Variants in NPHP4 observed in about 807,000 individuals in gnomAD.
The protein encoded by NPHP4 is nephrocystin-4.
In NPHP4, 151 loss-of-function variants were observed where a neutral mutation model predicts 155.8. The observed-to-expected ratio is 0.97, with a 90% CI of 0.85 to 1.11. NPHP4 has a LOEUF of 1.11. Ranked by LOEUF, NPHP4 falls within the 50% of genes least tolerant of loss-of-function variation. NPHP4 has a pLI of 0.00. For missense variants in NPHP4, 1,956 were observed against 1,925.7 expected, an observed-to-expected ratio of 1.02 and a Z score of -0.29; for synonymous variants, 845 against 816.8, an observed-to-expected ratio of 1.03 and a Z score of -0.59.
rs377520843 is a variant in NPHP4, at chr1:5,898,339, C to A, written c.2143+6278G>T. ...GAGACCACGCCCTCGGCAGAGCCCC[C>A]CAAAAAGTGTAGGAAGAAGAGGTGA... On this transcript the variant is annotated intron_variant, in intron 16 of 29. Coordinates refer to ENST00000378156, the MANE Select transcript of NPHP4 (RefSeq NM_015102.5). 1.7e-4 allele frequency among the ~76,000 whole-genome samples: 26 copies of A among 152,294 alleles called. No individual in the cohort carries two copies. The South Asian group carries it at 5.4e-3, about 32-fold the overall frequency.
intron 11 of NPHP4, among the ~76,000 whole-genome samples, chr1:5,923,630 C>T (rs1037323563): frequency 1.3e-5 from 2 of 152,216 alleles, no homozygotes. Context: ...CCTGGTAATC[C>T]TCATTCTTCA....
At chr1:5,925,158 T>C (rs1345814673) in intron 11 of NPHP4, among the ~76,000 whole-genome samples, 2 of 152,222 alleles carry the variant, frequency 1.3e-5, no homozygotes, top group Admixed American at 1.3e-4. Flanking sequence ...TCTGCATCCA[T>C]GAATTCAACC....
rs768131791 is a variant in NPHP4 at position 5,911,609 on chromosome 1, CA to C, written c.1442-2397del. On this transcript the variant is annotated intron_variant, in intron 11 of 29. Coordinates refer to ENST00000378156, the MANE Select transcript of NPHP4 (RefSeq NM_015102.5). ...GTAACTCTTTATATCATGACTTATG[CA>C]ATTTTTTCTTCCAAGAGAGTAAACC... is the stretch of plus-strand genomic sequence containing the variant. Among the ~76,000 whole-genome samples the C allele has an allele frequency of 4.2e-4, 64 of 152,238 alleles. No individual in the cohort carries two copies. In the South Asian group the frequency reaches 5.4e-3, roughly 13 times the overall value.
chr1:5,927,512 G>T, intron 11 of NPHP4, 137 bp downstream of exon 11: 1 of 953,290 alleles, frequency 1.0e-6, no homozygotes, highest in Non-Finnish European at 1.5e-6. Context: ...CCAACTAACA[G>T]ATTCCATTAA....
intron 13 of NPHP4, among the ~76,000 whole-genome samples, chr1:5,906,233 C>G (rs1272737542): frequency 2.0e-5 from 3 of 152,252 alleles, no homozygotes; most frequent in African/African-American, 7.2e-5. Flanking sequence ...GGCACCGAGC[C>G]CCTGGCTGGC....
At position 5,905,675 on chromosome 1, in the gene NPHP4, T is replaced by C. The variant is rs1414831881; in HGVS notation, c.1720A>G (p.Thr574Ala). 6.2e-7 allele frequency: 1 copy of C among 1,613,952 alleles called. No homozygotes were observed. Among genetic ancestry groups the C allele is most frequent in the Admixed American group, 1.7e-5 (1 of 60,020 alleles). ...IAEQLQELPF[T>A]PLHAPIVVGT... ...ACAACAATAGGGGCATGCAAAGGCG[T>C]GAACGGCAGCTCCTGTAACTGTTCG... Residue 574 changes from threonine (T) to alanine (A), a missense_variant, in exon 14 of 30, where the codon ACG becomes GCG. By Grantham distance (58) the Thr-to-Ala change is moderately conservative (BLOSUM62 0). Coordinates refer to ENST00000378156, the MANE Select transcript of NPHP4 (RefSeq NM_015102.5). This position sits in a 1 kb window ranked among gnomAD's most constrained non-coding sequence, Gnocchi z 4.0.
chr1:5,898,599 A>C (rs570976204), intron 16 of NPHP4, among the ~76,000 whole-genome samples: 1 of 152,362 alleles, frequency 6.6e-6, no homozygotes, highest in African/African-American at 2.4e-5. Flanking sequence ...GACATGGCAA[A>C]GGCCTGGGAA....
chr1:5,961,094 A>G (rs1240020350), intron 6 of NPHP4, among the ~76,000 whole-genome samples: 1 of 152,146 alleles, frequency 6.6e-6, no homozygotes, highest in Non-Finnish European at 1.5e-5. Flanking sequence ...AAGACATTTC[A>G]CTCTTAGGAT....
intron 25 of NPHP4, among the ~76,000 whole-genome samples, chr1:5,866,822 A>G (rs1487658469): frequency 6.6e-6 from 1 of 152,212 alleles, no homozygotes; most frequent in East Asian, 1.9e-4. Context: ...TCAGATGATC[A>G]AGGAGCTGAT....
At chr1:5,971,174 G>A (rs765498926) in intron 3 of NPHP4, among the ~76,000 whole-genome samples, 5 of 152,170 alleles carry the variant, frequency 3.3e-5, no homozygotes, top group African/African-American at 9.7e-5. Flanking sequence ...GGAACCTGCC[G>A]CTACGGGCAT....
chr1:5,987,962 A>G (rs1655727139), intron 1 of NPHP4, among the ~76,000 whole-genome samples: 1 of 152,212 alleles, frequency 6.6e-6, no homozygotes, highest in South Asian at 2.1e-4. Flanking sequence ...CTAGCTTCAC[A>G]CTTCTTCAAG....
intron 3 of NPHP4, among the ~76,000 whole-genome samples, chr1:5,971,918 T>C (rs901488916): frequency 2.6e-5 from 4 of 152,274 alleles, no homozygotes; most frequent in African/African-American, 9.6e-5. Flanking sequence ...AGTTTCCTCC[T>C]TGACAGCATA....
At chr1:5,900,553 G>A (rs1570337409) in intron 16 of NPHP4, among the ~76,000 whole-genome samples, 1 of 152,108 alleles carries the variant, frequency 6.6e-6, no homozygotes, top group Non-Finnish European at 1.5e-5. Context: ...GAGGAGGGGA[G>A]GGCTAAATAG....
chr1:5,974,281 G>A (rs561829275), intron 3 of NPHP4, among the ~76,000 whole-genome samples: 4 of 152,322 alleles, frequency 2.6e-5, no homozygotes, highest in Admixed American at 2.6e-4. Flanking sequence ...TGGGGCTGGT[G>A]CGCTCTGGGA....
rs763993912 is a variant in NPHP4 at position 5,969,118 on chromosome 1, C to T, written c.421G>A (p.Asp141Asn). 9.0e-6 allele frequency: 14 copies of T among 1,551,104 alleles called. No homozygotes were observed. The East Asian group carries it at 3.4e-4, about 38-fold the overall frequency. Residue 141 changes from aspartate to asparagine, a missense_variant, in exon 4 of 30, where the codon GAC becomes AAC. Transcript: ENST00000378156. ...TCCTGGGAAGCAGAGATAGGAGAGT[C>T]CGGCTGGTTGCTGAAGATCCGAAGA... ...GILRIFSNQP[D>N]SPISASQDKR... is the part of the protein sequence containing the mutation.
chr1:5,888,788 C>T (rs115319847), intron 17 of NPHP4, among the ~76,000 whole-genome samples: 133 of 152,344 alleles, frequency 8.7e-4, no homozygotes, highest in African/African-American at 3.0e-3. Context: ...TGCCCTCTGT[C>T]TTCAGGAAGT....
chr1:5,873,961 A>G, intron 22 of NPHP4: 1 of 212,264 alleles, frequency 4.7e-6, no homozygotes, highest in South Asian at 6.8e-5. Context: ...TCCTGCACAC[A>G]CACCTCACAT....
In NPHP4 at chr1:5,890,874, C is replaced by G. The variant is rs1193734284; in HGVS notation, c.2298G>C (p.Gln766His). Residue 766 changes from glutamine to histidine, a missense_variant, in exon 17 of 30, where the codon CAG becomes CAC. Coordinates refer to ENST00000378156, the MANE Select transcript of NPHP4 (RefSeq NM_015102.5). This position sits in a 1 kb window ranked among gnomAD's most constrained non-coding sequence, Gnocchi z 4.9. The stretch of plus-strand genomic sequence containing the variant: ...CCTTCCAGAGAGCCGCTACCTTCAT[C>G]TGGACGGCAGCAGATCCGATGAGCA... ...SLLLIGSAAV[Q>H]MKHLLRQGRP... 3 of 1,609,316 alleles carry G rather than the reference C, an allele frequency of 1.9e-6. No individual in the cohort carries two copies. Among genetic ancestry groups the G allele is most frequent in the Non-Finnish European group, 2.5e-6 (3 of 1,177,202 alleles).
intron 2 of NPHP4, among the ~76,000 whole-genome samples, chr1:5,980,476 C>A (rs149660299): frequency 6.6e-6 from 1 of 152,190 alleles, no homozygotes; most frequent in African/African-American, 2.4e-5. Context: ...TCCAATCATG[C>A]AGGGAGGCCA....
Sources: allele counts gnomAD v4.1 joint callset (sites outside exome capture counted in the v4.1 genomes callset), GRCh38; gene constraint gnomAD v4.1.1; non-coding constraint Gnocchi (gnomAD v3.1); transcripts MANE v1.5; gene names NCBI Gene and HGNC (gene_info 2026-07-23, HGNC 2026-07-21).